DTNA: variants seen among roughly 807,000 people sequenced by gnomAD.
DTNA encodes the protein dystrophin-related protein 3.
Under a neutral mutation model 100.7 loss-of-function variants are expected in DTNA, and 43 were observed. That is an observed-to-expected ratio of 0.43 (90% confidence interval 0.33 to 0.55). The LOEUF (loss-of-function observed/expected upper bound fraction) is 0.55, where lower values mean the gene tolerates loss of function less well. Among genes scored for constraint, DTNA ranks in the 20% least tolerant of loss-of-function variants. The pLI is 0.04. For missense variants in DTNA, 798 were observed against 953.9 expected (o/e 0.84, Z 2.15); for synonymous variants, 349 against 347.9 (o/e 1.00, Z -0.04).
intron 1 of DTNA, among the ~76,000 whole-genome samples, chr18:34,563,771 A>G (rs2046844063): frequency 6.6e-6 from 1 of 152,180 alleles, no homozygotes; most frequent in African/African-American, 2.4e-5. Flanking sequence ...CAAAATTTAG[A>G]GACACTAAAC....
At chr18:34,821,109 G>T in intron 9 of DTNA, 194 bp downstream of exon 9, 1 of 766,140 alleles carries the variant, frequency 1.3e-6, no homozygotes. Context: ...GGCTGGACAA[G>T]TAAAGTATGC....
intron 3 of DTNA, among the ~76,000 whole-genome samples, chr18:34,780,137 C>T (rs771438828): frequency 1.2e-4 from 19 of 152,030 alleles, no homozygotes; most frequent in Non-Finnish European, 2.2e-4. Context: ...AATAAATTGT[C>T]GGTAGCTGTT....
At chr18:34,678,452 C>G (rs1444605454) in intron 1 of DTNA, among the ~76,000 whole-genome samples, 1 of 152,064 alleles carries the variant, frequency 6.6e-6, no homozygotes, top group South Asian at 2.1e-4. Context: ...TTCCTTCCAT[C>G]CCTTCCCTTT....
intron 18 of DTNA, among the ~76,000 whole-genome samples, chr18:34,876,200 A>G (rs534773656): frequency 2.6e-5 from 4 of 152,320 alleles, no homozygotes; most frequent in Admixed American, 2.6e-4. Flanking sequence ...CACAAATAGG[A>G]TCATGCATTG....
chr18:34,522,184 C>T lies in DTNA; in HGVS notation c.-2+28670C>T, dbSNP rs573862222. On this transcript the variant is annotated intron_variant, in intron 1 of 19. Coordinates refer to the DTNA transcript ENST00000283365. ...ACTGCACTTTAATATTTATAAAGAA[C>T]GGAGCCATGCCTAGATCAGTTTAGT... 1.2e-4 allele frequency among the ~76,000 whole-genome samples: 18 copies of T among 152,224 alleles called. No homozygotes were observed. The South Asian group carries it at 2.9e-3, about 25-fold the overall frequency.
rs1011122342 is a variant in DTNA, at chr18:34,873,622, T to C, written c.1744-1617T>C. 4.9e-4 allele frequency among the ~76,000 whole-genome samples: 75 copies of C among 152,358 alleles called. 1 individual carries two copies. The highest frequency in any genetic ancestry group is 1.8e-3 in the African/African-American group (74 of 41,594). On this transcript the variant is annotated intron_variant, in intron 17 of 22. Coordinates refer to ENST00000444659, the MANE Select transcript of DTNA (RefSeq NM_001386795.1). ...ATTTTCACCTCTCTGAGTACTGGGC[T>C]CCACAACTTCACATTTAGAGTAAGA...
chr18:34,786,029 A>G (rs2094496540), intron 3 of DTNA, among the ~76,000 whole-genome samples: 1 of 152,064 alleles, frequency 6.6e-6, no homozygotes, highest in Non-Finnish European at 1.5e-5. Flanking sequence ...TCCTCTCCCT[A>G]CCTCCTCACA....
At chr18:34,776,588 G>A (rs557248382) in intron 3 of DTNA, among the ~76,000 whole-genome samples, 10 of 152,250 alleles carry the variant, frequency 6.6e-5, no homozygotes, top group East Asian at 5.8e-4. Flanking sequence ...TGATCTGCCC[G>A]CCTCAGCCTC....
At chr18:34,564,424 G>A (rs753245645) in intron 1 of DTNA, among the ~76,000 whole-genome samples, 30 of 152,330 alleles carry the variant, frequency 2.0e-4, no homozygotes, top group African/African-American at 6.3e-4. Context: ...GATTACAGGC[G>A]TGAGCCACAG....
chr18:34,681,695 AACACACACACACACAC>A (rs71813996), intron 1 of DTNA, among the ~76,000 whole-genome samples: 1 of 142,998 alleles, frequency 7.0e-6, no homozygotes, highest in African/African-American at 2.6e-5. Flanking sequence ...CCCTATACAC[AACACACACACACACAC>A]ACACACACAC....
chr18:34,624,740 C>T (rs1209334191), intron 1 of DTNA, among the ~76,000 whole-genome samples: 1 of 152,170 alleles, frequency 6.6e-6, no homozygotes, highest in Admixed American at 6.5e-5. Flanking sequence ...CGTGACTCAT[C>T]CAGAGCTCAC....
chr18:34,863,134 G>A (rs747354166), intron 16 of DTNA, among the ~76,000 whole-genome samples: 1 of 152,128 alleles, frequency 6.6e-6, no homozygotes, highest in Non-Finnish European at 1.5e-5. Flanking sequence ...AATGGATTTG[G>A]AATTTATTTG....
chr18:34,737,178 G>A lies in DTNA; in HGVS notation c.-1-18798G>A, dbSNP rs115531591. ...GAACGGTATATTTTATACATAAAAG[G>A]CTATCTTAATCATCAAAGGAAGAAC... is the stretch of plus-strand genomic sequence containing the variant. On this transcript the variant is annotated intron_variant, in intron 1 of 22. Coordinates refer to ENST00000444659, the MANE Select transcript of DTNA (RefSeq NM_001386795.1). Among the ~76,000 whole-genome samples, 628 of 152,260 alleles carry A rather than the reference G, an allele frequency of 4.1e-3. 6 individuals are homozygous for A. The highest frequency in any genetic ancestry group is 0.014 in the African/African-American group (585 of 41,544).
At chr18:34,819,670 A>G (rs1296252492) in intron 8 of DTNA, among the ~76,000 whole-genome samples, 1 of 152,130 alleles carries the variant, frequency 6.6e-6, no homozygotes, top group Non-Finnish European at 1.5e-5. Flanking sequence ...CCAGGGCACT[A>G]TCTGTACAAA....
rs577864235 is a variant in DTNA, at chr18:34,811,339, A to G, written c.449-620A>G. Among the ~76,000 whole-genome samples the G allele has an allele frequency of 2.0e-4, 30 of 152,312 alleles. No individual in the cohort carries two copies. The South Asian group carries it at 6.2e-3, about 32-fold the overall frequency. ...CAAGACCAGGCTTCCTCTTCACTAC[A>G]CGAGTCAGAAAACCCTTCCCTGTAA... On this transcript the variant is annotated intron_variant, in intron 5 of 22. Coordinates refer to ENST00000444659, the MANE Select transcript of DTNA (RefSeq NM_001386795.1).
intron 1 of DTNA, among the ~76,000 whole-genome samples, chr18:34,731,857 T>C (rs558359475): frequency 6.6e-6 from 1 of 152,298 alleles, no homozygotes; most frequent in South Asian, 2.1e-4. Context: ...TTTTTCTTTC[T>C]TTACAGTTTT....
At chr18:34,619,444 C>A (rs993326716) in intron 1 of DTNA, among the ~76,000 whole-genome samples, 3 of 151,902 alleles carry the variant, frequency 2.0e-5, no homozygotes, top group Non-Finnish European at 4.4e-5. Flanking sequence ...AAATTCCAAG[C>A]AAGGAAAAAT....
intron 16 of DTNA, among the ~76,000 whole-genome samples, chr18:34,860,220 GTTTTTTTTT>G (rs55673388): frequency 0.012 from 942 of 80,316 alleles, 41 homozygotes; most frequent in African/African-American, 0.042. Context: ...CTAATTTTTT[GTTTTTTTTT>G]TTTTTTTTTT....
At chr18:34,616,009 T>G (rs1026328038) in intron 1 of DTNA, among the ~76,000 whole-genome samples, 3 of 152,324 alleles carry the variant, frequency 2.0e-5, no homozygotes, top group Middle Eastern at 3.4e-3. Flanking sequence ...CTAGGTTGAT[T>G]TCATGTCTTT....
Sources: gnomAD v4.1 joint callset for allele counts (sites outside exome capture counted in the v4.1 genomes callset) on GRCh38, gnomAD v4.1.1 for gene constraint, MANE v1.5 for transcripts, NCBI Gene and HGNC (gene_info 2026-07-23, HGNC 2026-07-21) for gene names.